Variants in ZFHX3 observed in about 807,000 individuals in gnomAD.
ZFHX3 encodes zinc finger homeobox protein 3.
Under a neutral mutation model 279.1 loss-of-function variants are expected in ZFHX3, and 42 were observed. The ratio of observed to expected loss-of-function variants is 0.15; its 90% CI spans 0.12 to 0.19. The LOEUF (loss-of-function observed/expected upper bound fraction) is 0.19, where lower values mean the gene tolerates loss of function less well. Ranked by LOEUF, ZFHX3 falls within the 10% of genes least tolerant of loss-of-function variation. The probability of loss-of-function intolerance (pLI) is 1.00; values close to 1 mark genes in which losing one functional copy is unlikely to be tolerated. For synonymous variants in ZFHX3, 2,293 were observed against 1,957.8 expected, an observed-to-expected ratio of 1.17 and a Z score of -4.52; for missense variants, 4,981 against 4,754.0, an observed-to-expected ratio of 1.05 and a Z score of -1.40.
At chr16:72,835,380 G>A (rs1036140297) in intron 4 of ZFHX3, among the ~76,000 whole-genome samples, 2 of 151,938 alleles carry the variant, frequency 1.3e-5, no homozygotes, top group Non-Finnish European at 2.9e-5. Flanking sequence ...CCAGAAAAAT[G>A]TATTGATTTT....
chr16:72,896,174 G>A (rs1367491931), intron 3 of ZFHX3, among the ~76,000 whole-genome samples: 2 of 152,228 alleles, frequency 1.3e-5, no homozygotes, highest in Non-Finnish European at 2.9e-5. Context: ...ACGTTCGGGG[G>A]TCAACAGCTA....
intron 8 of ZFHX3, among the ~76,000 whole-genome samples, chr16:73,068,183 T>G (rs1965779074): frequency 6.6e-6 from 1 of 152,188 alleles, no homozygotes; most frequent in South Asian, 2.1e-4. Flanking sequence ...GTCACTCACT[T>G]AAGGTCACAC....
chr16:73,292,457 T>C (rs1338919757), intron 4 of ZFHX3, among the ~76,000 whole-genome samples: 1 of 152,216 alleles, frequency 6.6e-6, no homozygotes. Context: ...TTGTGAGTTA[T>C]TTTATAGAAA....
At chr16:73,750,498 AT>A (rs2053752230) in intron 1 of ZFHX3, among the ~76,000 whole-genome samples, 1 of 152,078 alleles carries the variant, frequency 6.6e-6, no homozygotes, top group Admixed American at 6.6e-5. Context: ...TTAGTAACAG[AT>A]GTCAAAAATA....
At chr16:72,912,926 C>G (rs550806086) in intron 3 of ZFHX3, among the ~76,000 whole-genome samples, 1 of 152,132 alleles carries the variant, frequency 6.6e-6, no homozygotes, top group African/African-American at 2.4e-5. Context: ...GGTTTCACCA[C>G]GTTGGCCAGA....
At chr16:73,461,206 G>A (rs912885215) in intron 2 of ZFHX3, among the ~76,000 whole-genome samples, 23 of 152,064 alleles carry the variant, frequency 1.5e-4, no homozygotes, top group African/African-American at 2.4e-4. Flanking sequence ...TACCATCGTT[G>A]CTGAAATGTC....
chr16:73,537,267 T>C lies in ZFHX3; in HGVS notation c.-1546-81009A>G, dbSNP rs542936623. On this transcript the variant is annotated intron_variant, in intron 2 of 17. Coordinates refer to the ZFHX3 transcript ENST00000641206. ...GAGGAGAAAGCTCAGGAATGTTTTC[T>C]TGTGTTCTGATTCCGGCTCTAAATC... Among the ~76,000 whole-genome samples the C allele has an allele frequency of 8.5e-5, 13 of 152,048 alleles. No individual in the cohort carries two copies. The South Asian group carries it at 1.5e-3, about 17-fold the overall frequency.
chr16:73,434,132 C>T (rs999827791), intron 3 of ZFHX3, among the ~76,000 whole-genome samples: 1 of 152,158 alleles, frequency 6.6e-6, no homozygotes, highest in Non-Finnish European at 1.5e-5. Flanking sequence ...ATTCAGAATA[C>T]GGGGAGGCCC....
chr16:73,411,819 G>A (rs1358431452), intron 3 of ZFHX3, among the ~76,000 whole-genome samples: 2 of 152,098 alleles, frequency 1.3e-5, no homozygotes, highest in African/African-American at 2.4e-5. Context: ...CCTTACTCCT[G>A]TTGTGTTTCA....
chr16:73,756,431 G>T (rs1295159023), intron 1 of ZFHX3, among the ~76,000 whole-genome samples: 1 of 152,146 alleles, frequency 6.6e-6, no homozygotes, highest in Non-Finnish European at 1.5e-5. Flanking sequence ...TTTGGTCCGT[G>T]CCGGGCCTGA....
intron 4 of ZFHX3, among the ~76,000 whole-genome samples, chr16:72,848,369 T>C (rs1372928228): frequency 6.6e-6 from 1 of 152,112 alleles, no homozygotes; most frequent in African/African-American, 2.4e-5. Context: ...TTGTTTATGA[T>C]CAATATGCAA....
At position 73,874,693 on chromosome 16, in the gene ZFHX3, A is replaced by G. The variant is rs957477765; in HGVS notation, c.-1608+16958T>C. Among the ~76,000 whole-genome samples, 29 of 152,354 alleles carry G rather than the reference A, an allele frequency of 1.9e-4. 2 individuals are homozygous for G. The highest frequency in any genetic ancestry group is 3.8e-4 in the Non-Finnish European group (26 of 68,032). Reference sequence around the variant, plus strand: ...TTGACTTACCTGTTTGTGTTTGAATATACACCACCCACGTTTAAAAAATAT... The same window carrying G: ...TTGACTTACCTGTTTGTGTTTGAATGTACACCACCCACGTTTAAAAAATAT... On this transcript the variant is annotated intron_variant, in intron 1 of 17. Coordinates refer to the ZFHX3 transcript ENST00000641206.
At position 73,048,023 on chromosome 16, in the gene ZFHX3, C is replaced by G. The variant is rs1015030004; in HGVS notation, c.-321G>C. On this transcript the variant is annotated 5_prime_UTR_variant, in exon 1 of 10. Coordinates refer to ENST00000268489, the MANE Select transcript of ZFHX3 (RefSeq NM_006885.4). ...CCGGAGGGAGGTCCCCGGGACGCGGCGGGGATTCACCCACGGGGCGCGGCG... is the reference window on the plus strand; with the variant it reads ...CCGGAGGGAGGTCCCCGGGACGCGGGGGGGATTCACCCACGGGGCGCGGCG... 2 of 152,144 alleles carry G rather than the reference C, an allele frequency of 1.3e-5. No individual in the cohort carries two copies. The highest frequency in any genetic ancestry group is 2.9e-5 in the Non-Finnish European group (2 of 68,042). The allele number at this position is 152,144 out of a possible 1,614,324, so 9.4% of individuals were successfully genotyped here. A position where few individuals can be genotyped will look rare whatever the true frequency, so the allele number is the denominator to read the frequency against.
chr16:73,377,046 A>C (rs2016735424), intron 3 of ZFHX3, among the ~76,000 whole-genome samples: 1 of 148,064 alleles, frequency 6.8e-6, no homozygotes, highest in African/African-American at 2.5e-5. Flanking sequence ...ATCTTGGCTC[A>C]CTGGAACCTC....
intron 2 of ZFHX3, among the ~76,000 whole-genome samples, chr16:73,565,419 C>T (rs766643805): frequency 3.3e-5 from 5 of 152,132 alleles, no homozygotes; most frequent in African/African-American, 9.7e-5. Flanking sequence ...CATTCTGTAA[C>T]GTAGAACTTC....
chr16:73,468,130 T>C (rs2018603769), intron 2 of ZFHX3, among the ~76,000 whole-genome samples: 1 of 152,226 alleles, frequency 6.6e-6, no homozygotes, highest in Non-Finnish European at 1.5e-5. Flanking sequence ...GCTCATTTCA[T>C]GCTCACATCA....
At position 73,417,921 on chromosome 16, in the gene ZFHX3, G is replaced by A. The variant is rs182674462; in HGVS notation, c.-1291+38082C>T. ...TGAGAATGGCGTGAACCCAGGAGGC[G>A]GAGCTTGCAGTGAGCTGAGATCGCG... On this transcript the variant is annotated intron_variant, in intron 3 of 17. Transcript: ENST00000641206. Among the ~76,000 whole-genome samples, 753 of 148,550 alleles carry A rather than the reference G, an allele frequency of 5.1e-3. 6 individuals carry two copies. The highest frequency in any genetic ancestry group is 0.018 in the African/African-American group (720 of 39,894).
Position 73,055,698 on chromosome 16 carries a change from G to GCGCACA in ZFHX3, c.-24+2831_-24+2832insTGTGCG, listed in dbSNP as rs869144632. Among the ~76,000 whole-genome samples the GCGCACA allele has an allele frequency of 1.0e-3, 112 of 109,484 alleles. 2 individuals are homozygous for GCGCACA. Among genetic ancestry groups the GCGCACA allele is most frequent in the African/African-American group, 3.0e-3 (102 of 34,134 alleles). The allele number at this position is 109,484 out of a possible 152,430, so 71.8% of individuals were successfully genotyped here. A position where few individuals can be genotyped will look rare whatever the true frequency, so the allele number is the denominator to read the frequency against. On this transcript the variant is annotated intron_variant, in intron 1 of 8. Coordinates refer to the ZFHX3 transcript ENST00000397992. ...GACGTACGCGCGCGCGCGCGCGCGC[G>GCGCACA]CACACACACACACACACACACACAT... is the stretch of plus-strand genomic sequence containing the variant.
At chr16:73,875,595 T>C (rs1251854369) in intron 1 of ZFHX3, among the ~76,000 whole-genome samples, 15 of 152,200 alleles carry the variant, frequency 9.9e-5, no homozygotes, top group Non-Finnish European at 2.2e-4. Flanking sequence ...GTTTGAAATA[T>C]ACCCTGAGAT....
Sources: allele counts gnomAD v4.1 joint callset (sites outside exome capture counted in the v4.1 genomes callset), GRCh38; gene constraint gnomAD v4.1.1; transcripts MANE v1.5; gene names NCBI Gene and HGNC (gene_info 2026-07-23, HGNC 2026-07-21).